Variants in UTRN observed in about 807,000 individuals in gnomAD.
The protein encoded by UTRN is utrophin.
UTRN carries 283 observed loss-of-function variants against 463.9 expected under a neutral mutation model. The ratio of observed to expected loss-of-function variants is 0.61; its 90% CI spans 0.55 to 0.67. The LOEUF (loss-of-function observed/expected upper bound fraction) is 0.67. Among genes scored for constraint, UTRN ranks in the 30% least tolerant of loss-of-function variants. UTRN has a pLI of 0.00. For missense variants in UTRN, 3,922 were observed against 4,084.3 expected, an observed-to-expected ratio of 0.96 and a Z score of 1.08; for synonymous variants, 1,442 against 1,431.5, an observed-to-expected ratio of 1.01 and a Z score of -0.17.
At chr6:144,482,579 A>T (rs1170769091) in intron 27 of UTRN, among the ~76,000 whole-genome samples, 191 bp downstream of exon 27, 1 of 152,144 alleles carries the variant, frequency 6.6e-6, no homozygotes, top group African/African-American at 2.4e-5. Flanking sequence ...GATAAAAATG[A>T]AAGAGGGGTT....
intron 2 of UTRN, among the ~76,000 whole-genome samples, chr6:144,401,917 A>C (rs1272098913): frequency 6.6e-6 from 1 of 152,186 alleles, no homozygotes; most frequent in Non-Finnish European, 1.5e-5. Flanking sequence ...GAGGCAGCCC[A>C]GCAGTATAAA....
At chr6:144,834,566 C>T (rs1284958843) in intron 69 of UTRN, among the ~76,000 whole-genome samples, 2 of 152,114 alleles carry the variant, frequency 1.3e-5, no homozygotes, top group African/African-American at 4.8e-5. Context: ...TGCAGTAACA[C>T]CAAGATGAAT....
rs545551155 is a variant in UTRN, at chr6:144,469,703, C to CTTTTTTTTTTTTTTTTTT, written c.3067-4006_3067-4005insTTTTTTTTTTTTTTTTTT. Among the ~76,000 whole-genome samples the CTTTTTTTTTTTTTTTTTT allele has an allele frequency of 1.3e-3, 182 of 135,544 alleles. 2 individuals are homozygous for CTTTTTTTTTTTTTTTTTT. The highest frequency in any genetic ancestry group is 5.3e-3 in the African/African-American group (175 of 32,952). 88.9% of individuals were successfully genotyped at this position (135,544 alleles called of 152,430 possible). A position where few individuals can be genotyped will look rare whatever the true frequency, so the allele number is the denominator to read the frequency against. On this transcript the variant is annotated intron_variant, in intron 23 of 74. Transcript: ENST00000367545. The stretch of plus-strand genomic sequence containing the variant: ...CATGGCTTCTCTGTCTGTTTCTTTC[C>CTTTTTTTTTTTTTTTTTT]TTTTTTTTTTTAGTATTTATTGATC...
intron 51 of UTRN, among the ~76,000 whole-genome samples, chr6:144,646,259 T>G (rs764047459): frequency 6.6e-6 from 1 of 152,246 alleles, no homozygotes; most frequent in Non-Finnish European, 1.5e-5. Context: ...AAGCATTCCC[T>G]TAAGTGTATG....
intron 50 of UTRN, among the ~76,000 whole-genome samples, chr6:144,561,236 TATATATATATATATATATATATATAC>T (rs1201104294): frequency 7.8e-5 from 6 of 77,198 alleles, no homozygotes; most frequent in Admixed American, 2.5e-4. Context: ...TATATATATA[TATATATATATATATATATATATATAC>T]ATACACACAC....
intron 51 of UTRN, among the ~76,000 whole-genome samples, chr6:144,628,864 G>C (rs190050039): frequency 6.6e-6 from 1 of 152,156 alleles, no homozygotes; most frequent in African/African-American, 2.4e-5. Context: ...TGCCCGGGCA[G>C]ATAGGAGGTT....
chr6:144,333,614 T>A (rs1462883445), intron 2 of UTRN, among the ~76,000 whole-genome samples: 1 of 152,088 alleles, frequency 6.6e-6, no homozygotes, highest in Non-Finnish European at 1.5e-5. Flanking sequence ...TCCCATTGGA[T>A]CTTCTGCAGA....
chr6:144,561,799 A>G (rs1799951100), intron 50 of UTRN, among the ~76,000 whole-genome samples: 1 of 152,146 alleles, frequency 6.6e-6, no homozygotes, highest in Admixed American at 6.6e-5. Context: ...GGTAGGTAGT[A>G]TATGCTTAAG....
chr6:144,317,144 C>G (rs981948169), intron 2 of UTRN, among the ~76,000 whole-genome samples: 1 of 152,158 alleles, frequency 6.6e-6, no homozygotes, highest in Non-Finnish European at 1.5e-5. Context: ...TGAAATAAGG[C>G]AGTTTGTGTT....
intron 51 of UTRN, among the ~76,000 whole-genome samples, chr6:144,601,611 A>C (rs544412493): frequency 6.6e-6 from 1 of 152,316 alleles, no homozygotes; most frequent in South Asian, 2.1e-4. Flanking sequence ...CTTGAGATGG[A>C]ATCTACTCCT....
At chr6:144,365,562 G>A (rs1779434439) in intron 2 of UTRN, among the ~76,000 whole-genome samples, 1 of 152,176 alleles carries the variant, frequency 6.6e-6, no homozygotes, top group South Asian at 2.1e-4. Flanking sequence ...TTGTTACTAA[G>A]CGACAAACAT....
chr6:144,636,271 C>T (rs551110424), intron 51 of UTRN, among the ~76,000 whole-genome samples: 54 of 152,186 alleles, frequency 3.5e-4, no homozygotes, highest in Non-Finnish European at 6.9e-4. Context: ...AACCATCATT[C>T]TCAGCAAACT....
intron 54 of UTRN, among the ~76,000 whole-genome samples, chr6:144,732,281 CACATATATATATATACACAT>C (rs1562833146): frequency 8.5e-6 from 1 of 118,030 alleles, no homozygotes; most frequent in Admixed American, 9.7e-5. Context: ...TATATATACA[CACATATATATATATACACAT>C]ATATATATAT....
intron 51 of UTRN, among the ~76,000 whole-genome samples, chr6:144,640,058 G>GAGATTGGGAGAC (rs1554317921): frequency 2.6e-5 from 4 of 151,000 alleles, no homozygotes; most frequent in African/African-American, 7.3e-5. Context: ...GAGAGAGAGA[G>GAGATTGGGAGAC]AGATTGAGAG....
chr6:144,525,846 C>T (rs189859055), intron 41 of UTRN, among the ~76,000 whole-genome samples: 2 of 152,028 alleles, frequency 1.3e-5, no homozygotes, highest in Non-Finnish European at 1.5e-5. Context: ...CTTAGTACCG[C>T]TTTTGCCATA....
At chr6:144,414,865 A>C (rs952988754) in intron 3 of UTRN, among the ~76,000 whole-genome samples, 2 of 152,076 alleles carry the variant, frequency 1.3e-5, no homozygotes, top group Non-Finnish European at 1.5e-5. Flanking sequence ...ACAAGTGTGC[A>C]CCACCACAAC....
chr6:144,509,497 A>G (rs549950703), intron 34 of UTRN, among the ~76,000 whole-genome samples: 4 of 152,092 alleles, frequency 2.6e-5, no homozygotes, highest in African/African-American at 9.6e-5. Flanking sequence ...TTAAGTTTCC[A>G]TTTAATCTTA....
chr6:144,305,500 GTGA>G (rs1805646635), intron 2 of UTRN, among the ~76,000 whole-genome samples: 1 of 152,206 alleles, frequency 6.6e-6, no homozygotes, highest in Admixed American at 6.5e-5. Flanking sequence ...TGTGAACTGA[GTGA>G]TGACTGTCTT....
At chr6:144,721,384 G>A (rs76167611) in intron 53 of UTRN, among the ~76,000 whole-genome samples, 4,180 of 152,186 alleles carry the variant, frequency 0.027, 72 homozygotes, top group East Asian at 0.05. Flanking sequence ...AATTTTTGTT[G>A]TTGTTATTGA....
Sources: allele counts gnomAD v4.1 joint callset (sites outside exome capture counted in the v4.1 genomes callset), GRCh38; gene constraint gnomAD v4.1.1; transcripts MANE v1.5; gene names NCBI Gene and HGNC (gene_info 2026-07-23, HGNC 2026-07-21).